Variants in CHD7 observed in about 807,000 individuals in gnomAD.
CHD7 encodes the protein chromodomain helicase DNA binding protein 7, also known as ATP-dependent chromatin remodeler CHD7.
A neutral mutation model predicts 307.3 loss-of-function variants in CHD7; 24 were observed. The ratio of observed to expected loss-of-function variants is 0.08; its 90% CI spans 0.06 to 0.11. The LOEUF (loss-of-function observed/expected upper bound fraction) is 0.11. Ranked by LOEUF, CHD7 falls within the 10% of genes least tolerant of loss-of-function variation. The pLI is 1.00. For missense variants in CHD7, 3,106 were observed against 3,727.1 expected (o/e 0.83, Z 4.34); for synonymous variants, 1,363 against 1,349.9 (o/e 1.01, Z -0.21).
chr8:60,847,733 G>T (rs1805276317), intron 23 of CHD7, among the ~76,000 whole-genome samples: 1 of 152,126 alleles, frequency 6.6e-6, no homozygotes, highest in Non-Finnish European at 1.5e-5. Flanking sequence ...CTCCATGCAG[G>T]ACTGAAAATC....
Position 60,804,340 on chromosome 8 carries a change from CT to C in CHD7, c.2442+2757del, listed in dbSNP as rs113158575. 3.0e-3 allele frequency among the ~76,000 whole-genome samples: 440 copies of C among 148,284 alleles called. 2 individuals are homozygous for C. The highest frequency in any genetic ancestry group is 0.01 in the African/African-American group (415 of 40,590). The stretch of plus-strand genomic sequence containing the variant: ...TCATCTTTGGAGGATAATTCAAATC[CT>C]TTTTTTTTTGTATCAGAAGGCCAAA... On this transcript the variant is annotated intron_variant, in intron 6 of 37. Transcript: ENST00000423902.
At chr8:60,827,175 C>A (rs543802979) in intron 13 of CHD7, among the ~76,000 whole-genome samples, 3 of 151,566 alleles carry the variant, frequency 2.0e-5, no homozygotes, top group Non-Finnish European at 1.5e-5. Flanking sequence ...GTGCAGCGCA[C>A]CAGCATGGCA....
chr8:60,858,173 T>C (rs1163964446), intron 34 of CHD7, among the ~76,000 whole-genome samples: 5 of 152,214 alleles, frequency 3.3e-5, no homozygotes. Flanking sequence ...GGAGAATTGC[T>C]TGAACCCAGG....
chr8:60,830,641 C>A, intron 15 of CHD7, 64 bp downstream of exon 15: 1 of 1,556,438 alleles, frequency 6.4e-7, no homozygotes, highest in Non-Finnish European at 8.8e-7. Flanking sequence ...TCCCTTTCTG[C>A]CCCCAGACTG....
intron 13 of CHD7, among the ~76,000 whole-genome samples, chr8:60,826,451 T>G (rs1022779095): frequency 1.9e-4 from 29 of 152,244 alleles, no homozygotes; most frequent in Non-Finnish European, 2.9e-5. Flanking sequence ...CTTGAGAACT[T>G]AGCCACTTTC....
At chr8:60,809,296 C>T (rs931535874) in intron 7 of CHD7, among the ~76,000 whole-genome samples, 2 of 152,124 alleles carry the variant, frequency 1.3e-5, no homozygotes, top group African/African-American at 2.4e-5. Flanking sequence ...TAAAAATGCT[C>T]GGAAAATGTT....
intron 3 of CHD7, among the ~76,000 whole-genome samples, chr8:60,785,057 T>A (rs1281058188): frequency 6.6e-6 from 1 of 152,214 alleles, no homozygotes; most frequent in Non-Finnish European, 1.5e-5. Context: ...GTGGAAGGAT[T>A]CATGGAGCTG....
intron 1 of CHD7, among the ~76,000 whole-genome samples, chr8:60,736,506 T>C (rs1049917408): frequency 3.9e-5 from 6 of 152,304 alleles, no homozygotes; most frequent in African/African-American, 1.4e-4. Flanking sequence ...TGTGCTGTTT[T>C]TTTAGCTGCA....
At chr8:60,864,752 T>C (rs1175859037) in intron 37 of CHD7, 3 of 461,912 alleles carry the variant, frequency 6.5e-6, no homozygotes, top group African/African-American at 5.9e-5. Flanking sequence ...TGATGTATGA[T>C]TTCTTGAGTT....
chr8:60,704,401 G>A (rs927836880), intron 1 of CHD7, among the ~76,000 whole-genome samples: 1 of 151,762 alleles, frequency 6.6e-6, no homozygotes, highest in Non-Finnish European at 1.5e-5. Context: ...GGGTAACAGA[G>A]GCATTTAACT....
Position 60,842,060 on chromosome 8 carries a change from G to A in CHD7, c.4850+8G>A. ...GAATCTGCTTGTCTATGGGTAAGTA[G>A]GACTCACTACGTAAGATAGAATTTT... On this transcript the variant is annotated splice_region_variant and intron_variant, in intron 21 of 37. Transcript: ENST00000423902. 6.2e-7 allele frequency: 1 copy of A among 1,604,706 alleles called. No homozygotes were observed. Among genetic ancestry groups the A allele is most frequent in the African/African-American group, 1.3e-5 (1 of 74,832 alleles).
At chr8:60,686,248 G>C (rs1436155191) in intron 1 of CHD7, among the ~76,000 whole-genome samples, 1 of 152,034 alleles carries the variant, frequency 6.6e-6, no homozygotes, top group Non-Finnish European at 1.5e-5. Flanking sequence ...TGGAATGGCA[G>C]GAAAACTTGG....
chr8:60,685,630 A>G (rs918344515), intron 1 of CHD7, among the ~76,000 whole-genome samples: 1 of 152,244 alleles, frequency 6.6e-6, no homozygotes, highest in East Asian at 1.9e-4. Flanking sequence ...CATTATTTAA[A>G]TAAATGTGGA....
chr8:60,866,179 G>A lies in CHD7; in HGVS notation c.*246G>A. ...TGAGAGGTGATCATGTCTTTTTAAGGAAACTTACATAATGCTCTGCTTTTT... is the reference window on the plus strand; with the variant it reads ...TGAGAGGTGATCATGTCTTTTTAAGAAAACTTACATAATGCTCTGCTTTTT... On this transcript the variant is annotated 3_prime_UTR_variant, in exon 38 of 38. Coordinates refer to ENST00000423902, the MANE Select transcript of CHD7 (RefSeq NM_017780.4). The A allele has an allele frequency of 2.8e-6, 1 of 362,460 alleles. No individual in the cohort carries two copies. The highest frequency in any genetic ancestry group is 5.0e-6 in the Non-Finnish European group (1 of 201,288). The allele number at this position is 362,460 out of a possible 1,614,324, so 22.5% of individuals were successfully genotyped here. A position where few individuals can be genotyped will look rare whatever the true frequency, so the allele number is the denominator to read the frequency against.
intron 6 of CHD7, among the ~76,000 whole-genome samples, chr8:60,805,631 A>G (rs1812502507): frequency 6.6e-6 from 1 of 152,184 alleles, no homozygotes; most frequent in South Asian, 2.1e-4. Flanking sequence ...GAGACAAAAT[A>G]AAAAGTGTCT....
At chr8:60,759,452 T>TCTCTCTCCCTCC (rs1280657307) in intron 2 of CHD7, among the ~76,000 whole-genome samples, 1 of 148,804 alleles carries the variant, frequency 6.7e-6, no homozygotes, top group Non-Finnish European at 1.5e-5. Context: ...TGTCTCCCTC[T>TCTCTCTCCCTCC]CTCTCTCCCT....
chr8:60,708,667 TC>T (rs1265344022), intron 1 of CHD7, among the ~76,000 whole-genome samples: 3 of 152,190 alleles, frequency 2.0e-5, no homozygotes, highest in Non-Finnish European at 2.9e-5. Context: ...GTTTCCCTCT[TC>T]CATGCCTCTT....
intron 2 of CHD7, among the ~76,000 whole-genome samples, chr8:60,775,097 GGTGAATCT>G (rs1810887604): frequency 6.6e-6 from 1 of 151,914 alleles, no homozygotes; most frequent in Non-Finnish European, 1.5e-5. Flanking sequence ...TTGTTTATAT[GGTGAATCT>G]GTTCTAAGGA....
At chr8:60,693,065 T>C (rs1469079247) in intron 1 of CHD7, among the ~76,000 whole-genome samples, 1 of 152,248 alleles carries the variant, frequency 6.6e-6, no homozygotes, top group East Asian at 1.9e-4. Context: ...GGCTCTGCAC[T>C]GCAAGTCTGC....
Sources: gnomAD v4.1 joint callset for allele counts (sites outside exome capture counted in the v4.1 genomes callset) on GRCh38, gnomAD v4.1.1 for gene constraint, MANE v1.5 for transcripts, NCBI Gene and HGNC (gene_info 2026-07-23, HGNC 2026-07-21) for gene names.